NEDD4L: variants seen among roughly 807,000 people sequenced by gnomAD.
NEDD4L encodes E3 ubiquitin-protein ligase NEDD4-like.
In NEDD4L, 54 loss-of-function variants were observed where a neutral mutation model predicts 148.9. The observed-to-expected ratio is 0.36, with a 90% confidence interval of 0.29 to 0.45. NEDD4L has a LOEUF of 0.45. Among genes scored for constraint, NEDD4L ranks in the 20% least tolerant of loss-of-function variants. The probability of loss-of-function intolerance (pLI) is 1.00; values close to 1 mark genes in which losing one functional copy is unlikely to be tolerated. For missense variants in NEDD4L, 856 were observed against 1,233.8 expected, an observed-to-expected ratio of 0.69 and a Z score of 4.59; for synonymous variants, 433 against 440.7, an observed-to-expected ratio of 0.98 and a Z score of 0.22.
intron 6 of NEDD4L, among the ~76,000 whole-genome samples, chr18:58,317,352 T>C (rs2058381596): frequency 6.6e-6 from 1 of 152,190 alleles, no homozygotes; most frequent in African/African-American, 2.4e-5. Context: ...CCTTCTACGT[T>C]GGGAGGTCTT....
intron 1 of NEDD4L, chr18:58,045,578 C>T (rs953178780): frequency 6.5e-6 from 1 of 153,560 alleles, no homozygotes; most frequent in African/African-American, 2.4e-5. Flanking sequence ...AAATCACTGC[C>T]TAGTCCTCTC....
At chr18:58,210,507 G>C (rs2042494123) in intron 2 of NEDD4L, among the ~76,000 whole-genome samples, 1 of 151,940 alleles carries the variant, frequency 6.6e-6, no homozygotes, top group Non-Finnish European at 1.5e-5. Flanking sequence ...GGAGTGCAAC[G>C]GTGCGATCTC....
intron 23 of NEDD4L, chr18:58,371,780 A>C (rs1372991766): frequency 6.6e-6 from 1 of 152,130 alleles, no homozygotes; most frequent in African/African-American, 2.4e-5. Flanking sequence ...CTCCACTTTG[A>C]CCCTGTGTTT....
chr18:58,072,940 T>A (rs1285972162), intron 1 of NEDD4L, among the ~76,000 whole-genome samples: 1 of 151,736 alleles, frequency 6.6e-6, no homozygotes, highest in East Asian at 1.9e-4. Flanking sequence ...TACAAGCTTG[T>A]ACATACAAGA....
intron 18 of NEDD4L, among the ~76,000 whole-genome samples, chr18:58,355,134 C>G (rs937559427): frequency 4.6e-5 from 7 of 152,090 alleles, no homozygotes; most frequent in African/African-American, 1.7e-4. Flanking sequence ...TAGAGAGATC[C>G]TTTTGGCAGA....
intron 1 of NEDD4L, among the ~76,000 whole-genome samples, chr18:58,089,126 A>ATTTTTTTTTTTTTTTTTTTTTTTTTTTT (rs570623396): frequency 2.0e-5 from 2 of 100,984 alleles, no homozygotes; most frequent in African/African-American, 4.0e-5. Context: ...TTATTTCATA[A>ATTTTTTTTTTTTTTTTTTTTTTTTTTTT]TTTTTTTTTT....
chr18:58,385,461 C>A, intron 25 of NEDD4L, 65 bp from the exon 26 acceptor site: 1 of 1,296,688 alleles, frequency 7.7e-7, no homozygotes, highest in Non-Finnish European at 1.1e-6. Flanking sequence ...CTCCCTGTTG[C>A]GGAGAAAGCA....
At chr18:58,115,078 A>G (rs1218880695) in intron 1 of NEDD4L, among the ~76,000 whole-genome samples, 1 of 152,012 alleles carries the variant, frequency 6.6e-6, no homozygotes, top group Non-Finnish European at 1.5e-5. Flanking sequence ...GGACTCGCGC[A>G]TCTTGGGGGA....
intron 10 of NEDD4L, among the ~76,000 whole-genome samples, chr18:58,330,457 C>A (rs912061847): frequency 6.6e-6 from 1 of 152,204 alleles, no homozygotes; most frequent in African/African-American, 2.4e-5. Flanking sequence ...AGAGCACAGC[C>A]TCTGTCTGGA....
At chr18:58,253,784 T>C (rs1360487231) in intron 5 of NEDD4L, among the ~76,000 whole-genome samples, 2 of 152,220 alleles carry the variant, frequency 1.3e-5, no homozygotes, top group Non-Finnish European at 2.9e-5. Flanking sequence ...CATTTCCGTA[T>C]CTGAAATAAT....
intron 1 of NEDD4L, among the ~76,000 whole-genome samples, chr18:58,092,035 A>G (rs1021346474): frequency 2.6e-5 from 4 of 152,214 alleles, no homozygotes; most frequent in African/African-American, 4.8e-5. Context: ...GTTATTCCAC[A>G]TATTAGGTTT....
chr18:58,148,048 C>T (rs886729530), intron 1 of NEDD4L, among the ~76,000 whole-genome samples: 2 of 148,452 alleles, frequency 1.3e-5, no homozygotes, highest in Non-Finnish European at 3.0e-5. Flanking sequence ...CTCTCCCCCC[C>T]TTTTTTTTTT....
chr18:58,063,819 G>T (rs1599013360), intron 1 of NEDD4L, among the ~76,000 whole-genome samples: 1 of 152,114 alleles, frequency 6.6e-6, no homozygotes, highest in Middle Eastern at 3.4e-3. Flanking sequence ...CTCCCAAAGT[G>T]CTGGGATTAC....
At chr18:58,078,131 G>T (rs2083264271) in intron 1 of NEDD4L, among the ~76,000 whole-genome samples, 1 of 149,958 alleles carries the variant, frequency 6.7e-6, no homozygotes, top group African/African-American at 2.5e-5. Flanking sequence ...ATTTTTAAGA[G>T]CCAAATGAGA....
chr18:58,190,446 A>G (rs2039983408), intron 2 of NEDD4L, among the ~76,000 whole-genome samples: 1 of 152,240 alleles, frequency 6.6e-6, no homozygotes, highest in South Asian at 2.1e-4. Context: ...ATTTTATAAC[A>G]TAGAATGAAA....
chr18:58,160,638 A>G (rs952089295), intron 1 of NEDD4L, among the ~76,000 whole-genome samples: 1 of 152,236 alleles, frequency 6.6e-6, no homozygotes, highest in Non-Finnish European at 1.5e-5. Context: ...TGAAAGTAAT[A>G]AAATGCTTCA....
At chr18:58,336,279 T>A (rs1253640805) in intron 13 of NEDD4L, among the ~76,000 whole-genome samples, 1 of 152,194 alleles carries the variant, frequency 6.6e-6, no homozygotes, top group Non-Finnish European at 1.5e-5. Context: ...CTGCAATAGC[T>A]GTTTAAAGAA....
At chr18:58,359,410 ACT>A (rs1568839747) in intron 19 of NEDD4L, among the ~76,000 whole-genome samples, 2 of 151,644 alleles carry the variant, frequency 1.3e-5, no homozygotes, top group Non-Finnish European at 2.9e-5. Context: ...ATCACTGTCT[ACT>A]CTCCTTAACA....
chr18:58,252,628 A>G (rs910124341), intron 5 of NEDD4L, among the ~76,000 whole-genome samples: 1 of 152,230 alleles, frequency 6.6e-6, no homozygotes, highest in Non-Finnish European at 1.5e-5. Flanking sequence ...TATAACAGAT[A>G]CAAACTAACA....
Sources: gnomAD v4.1 joint callset for allele counts (sites outside exome capture counted in the v4.1 genomes callset) on GRCh38, gnomAD v4.1.1 for gene constraint, MANE v1.5 for transcripts, NCBI Gene and HGNC (gene_info 2026-07-23, HGNC 2026-07-21) for gene names.